PRKN: variants seen among roughly 807,000 people sequenced by gnomAD.
PRKN encodes the protein parkin RBR E3 ubiquitin protein ligase, also known as E3 ubiquitin-protein ligase parkin.
PRKN carries 56 observed loss-of-function variants against 59.5 expected under a neutral mutation model. The ratio of observed to expected loss-of-function variants is 0.94; its 90% CI spans 0.76 to 1.18. The LOEUF is 1.18. Ranked by LOEUF, PRKN falls within the 50% of genes most tolerant of loss-of-function variation. PRKN has a pLI of 0.00. For missense variants in PRKN, 657 were observed against 596.4 expected (o/e 1.10, Z -1.06); for synonymous variants, 250 against 222.1 (o/e 1.13, Z -1.12).
Position 161,977,335 on chromosome 6 carries a change from T to C in PRKN, c.619-3918A>G, listed in dbSNP as rs568121539. Among the ~76,000 whole-genome samples the C allele has an allele frequency of 1.4e-4, 21 of 152,214 alleles. No individual in the cohort carries two copies. The South Asian group carries it at 4.4e-3, about 32-fold the overall frequency. ...ACGTCTCTCTCAGGGTTGAAGTAGA[T>C]AGGCTAAGTCAGATTCTACAGGTGC... On this transcript the variant is annotated intron_variant, in intron 5 of 11. Coordinates refer to ENST00000366898, the MANE Select transcript of PRKN (RefSeq NM_004562.3).
intron 9 of PRKN, among the ~76,000 whole-genome samples, chr6:161,539,767 C>T (rs1175117355): frequency 2.0e-5 from 3 of 152,138 alleles, no homozygotes; most frequent in Admixed American, 6.5e-5. Flanking sequence ...CCACTGTTCC[C>T]GGGGTGTCTT....
chr6:162,648,813 G>A (rs933637573), intron 1 of PRKN, among the ~76,000 whole-genome samples: 3 of 152,168 alleles, frequency 2.0e-5, no homozygotes, highest in African/African-American at 7.2e-5. Flanking sequence ...GGGCTCTGGT[G>A]CTCAGTTAGG....
chr6:162,328,310 G>A (rs1030525371), intron 2 of PRKN, among the ~76,000 whole-genome samples: 3 of 152,034 alleles, frequency 2.0e-5, no homozygotes, highest in East Asian at 1.9e-4. Flanking sequence ...AGGCTGCAGC[G>A]AGCCGAGATC....
At chr6:161,617,960 A>G (rs1200633602) in intron 7 of PRKN, among the ~76,000 whole-genome samples, 1 of 152,290 alleles carries the variant, frequency 6.6e-6, no homozygotes, top group South Asian at 2.1e-4. Flanking sequence ...TAAAATCCTT[A>G]AGGCTCACCT....
At chr6:161,412,848 C>T (rs1475502528) in intron 9 of PRKN, among the ~76,000 whole-genome samples, 2 of 151,868 alleles carry the variant, frequency 1.3e-5, no homozygotes, top group Admixed American at 6.5e-5. Flanking sequence ...CATTCCTCCA[C>T]TCACTCATTC....
At chr6:161,807,632 G>C (rs1791391122) in intron 6 of PRKN, among the ~76,000 whole-genome samples, 1 of 152,130 alleles carries the variant, frequency 6.6e-6, no homozygotes, top group Non-Finnish European at 1.5e-5. Flanking sequence ...CACATTCCTT[G>C]TCTTGGAGAT....
chr6:161,641,303 A>G (rs1783728084), intron 7 of PRKN, among the ~76,000 whole-genome samples: 1 of 152,228 alleles, frequency 6.6e-6, no homozygotes, highest in South Asian at 2.1e-4. Flanking sequence ...CCTGGGTATA[A>G]CATCATTATT....
intron 6 of PRKN, among the ~76,000 whole-genome samples, chr6:161,883,155 T>A (rs1041717640): frequency 3.6e-4 from 54 of 152,106 alleles, no homozygotes; most frequent in African/African-American, 1.3e-3. Flanking sequence ...TGTTAGAGAA[T>A]AGAATTGAAT....
At chr6:162,688,811 A>G (rs936545426) in intron 1 of PRKN, among the ~76,000 whole-genome samples, 1 of 152,216 alleles carries the variant, frequency 6.6e-6, no homozygotes, top group Non-Finnish European at 1.5e-5. Flanking sequence ...ATCAAGTTCT[A>G]TAAACAGGAC....
At chr6:161,681,172 G>C (rs1398048071) in intron 7 of PRKN, among the ~76,000 whole-genome samples, 1 of 152,058 alleles carries the variant, frequency 6.6e-6, no homozygotes, top group African/African-American at 2.4e-5. Context: ...ATGTTGGCCA[G>C]GCTGATCTTG....
intron 6 of PRKN, among the ~76,000 whole-genome samples, chr6:161,962,017 T>C (rs1318311551): frequency 6.6e-6 from 1 of 152,144 alleles, no homozygotes; most frequent in Non-Finnish European, 1.5e-5. Context: ...ATGCAGAATG[T>C]GTCAAATTCA....
At chr6:161,813,828 T>G (rs1202428877) in intron 6 of PRKN, among the ~76,000 whole-genome samples, 1 of 152,172 alleles carries the variant, frequency 6.6e-6, no homozygotes, top group Non-Finnish European at 1.5e-5. Flanking sequence ...GCCACTTACT[T>G]CTGAAAGACT....
chr6:161,785,368 CAT>C (rs1207708587), intron 7 of PRKN, among the ~76,000 whole-genome samples: 11 of 152,206 alleles, frequency 7.2e-5, no homozygotes, highest in Non-Finnish European at 1.0e-4. Context: ...TTCTTTTTCA[CAT>C]ATGTTATTTT....
chr6:161,496,891 G>T (rs1013139645), intron 9 of PRKN, among the ~76,000 whole-genome samples: 1 of 152,210 alleles, frequency 6.6e-6, no homozygotes, highest in Non-Finnish European at 1.5e-5. Context: ...GATGCAAGGA[G>T]GGATTCTTCC....
chr6:162,159,178 T>C (rs1444417392), intron 4 of PRKN, among the ~76,000 whole-genome samples: 1 of 150,826 alleles, frequency 6.6e-6, no homozygotes, highest in Non-Finnish European at 1.5e-5. Context: ...ATTCTGCCGA[T>C]CTTCTTATCG....
rs368107606 is a variant in PRKN, at chr6:161,777,890, A to G, written c.871+7882T>C. ...TATATGTATACGTATATATGTATAT[A>G]TATGTATACATATATATGTGTATAT... On this transcript the variant is annotated intron_variant, in intron 7 of 11. Transcript: ENST00000366898. Among the ~76,000 whole-genome samples, 16 of 127,674 alleles carry G rather than the reference A, an allele frequency of 1.3e-4. 1 individual carries two copies. In the East Asian group the frequency reaches 3.5e-3, roughly 28 times the overall value. 83.8% of individuals were successfully genotyped at this position (127,674 alleles called of 152,430 possible). A position where few individuals can be genotyped will look rare whatever the true frequency, so the allele number is the denominator to read the frequency against.
At chr6:162,721,963 G>A (rs758117063) in intron 1 of PRKN, among the ~76,000 whole-genome samples, 2 of 152,136 alleles carry the variant, frequency 1.3e-5, no homozygotes, top group Admixed American at 6.5e-5. Flanking sequence ...GAAAAATCAC[G>A]TGTTGCAGGC....
chr6:161,947,356 A>T (rs1463062875), intron 6 of PRKN, among the ~76,000 whole-genome samples: 1 of 152,214 alleles, frequency 6.6e-6, no homozygotes, highest in Non-Finnish European at 1.5e-5. Flanking sequence ...GCCTGTTCTG[A>T]TTCATGAATC....
At chr6:162,117,063 A>C (rs2128304386) in intron 4 of PRKN, among the ~76,000 whole-genome samples, 1 of 152,246 alleles carries the variant, frequency 6.6e-6, no homozygotes, top group South Asian at 2.1e-4. Context: ...AGTAACACAT[A>C]AAAATGTAAA....
Sources: allele counts gnomAD v4.1 joint callset (sites outside exome capture counted in the v4.1 genomes callset), GRCh38; gene constraint gnomAD v4.1.1; transcripts MANE v1.5; gene names NCBI Gene and HGNC (gene_info 2026-07-23, HGNC 2026-07-21).